The following TAP1 variants were observed in gnomAD, a reference collection of about 807,000 sequenced individuals.
TAP1 encodes the protein antigen peptide transporter 1.
In TAP1, 56 loss-of-function variants were observed where a neutral mutation model predicts 79.3. That is an observed-to-expected ratio of 0.71 (90% CI 0.57 to 0.88). The LOEUF (loss-of-function observed/expected upper bound fraction) is 0.88, where lower values mean the gene tolerates loss of function less well. Ranked by LOEUF, TAP1 falls within the 40% of genes least tolerant of loss-of-function variation. TAP1 has a pLI of 0.00. For missense variants in TAP1, 737 were observed against 936.3 expected, an observed-to-expected ratio of 0.79 and a Z score of 2.78; for synonymous variants, 355 against 401.4, an observed-to-expected ratio of 0.88 and a Z score of 1.38.
In TAP1 at chr6:32,853,314, G is replaced by A. The variant is rs1344976701; in HGVS notation, c.323C>T (p.Pro108Leu). The change falls in exon 1 of 11, where the codon CCG (proline) becomes CTG (leucine). Residue 108 changes from proline to leucine, a missense_variant. By Grantham distance (98) the Pro-to-Leu change is moderately conservative. This residue lies in a region of TAP1 where 406 missense variants were observed against 477.2 expected (regional missense o/e 0.85). Coordinates refer to ENST00000354258, the MANE Select transcript of TAP1 (RefSeq NM_000593.6). This position sits in a 1 kb window ranked among gnomAD's most constrained non-coding sequence, Gnocchi z 8.3. ...CAGCTCTCGGAACAAGGCAAGTCCC[G>A]GCAGGGCCAAGCCCAGTGCCGCAGC... is the stretch of plus-strand genomic sequence containing the variant. ...PLAAALGLAL[P>L]GLALFRELIS... The A allele has an allele frequency of 5.1e-6, 8 of 1,579,690 alleles. No individual in the cohort carries two copies. The highest frequency in any genetic ancestry group is 1.1e-5 in the South Asian group (1 of 87,766).
Position 32,853,276 on chromosome 6 carries a change from C to G in TAP1, c.361G>C (p.Ala121Pro), listed in dbSNP as rs1206640439. ...CTGGTGCTATCCGCGGACCCGGGGG[C>G]TCCCCATGAGATCAGCTCTCGGAAC... ...ALFRELISWG[A>P]PGSADSTRLL... The change falls in exon 1 of 11, where the codon GCC (alanine) becomes CCC (proline). Residue 121 changes from alanine to proline, a missense_variant. By Grantham distance (27) the Ala-to-Pro change is conservative. Coordinates refer to ENST00000354258, the MANE Select transcript of TAP1 (RefSeq NM_000593.6). The surrounding 1 kb of genome is among the most constrained non-coding windows in gnomAD (Gnocchi z 8.3). 6.3e-7 allele frequency: 1 copy of G among 1,587,086 alleles called. No individual in the cohort carries two copies. The highest frequency in any genetic ancestry group is 8.6e-7 in the Non-Finnish European group (1 of 1,166,164).
At chr6:32,846,908 T>C (rs1770454802) in intron 10 of TAP1, among the ~76,000 whole-genome samples, 160 bp downstream of exon 10, 1 of 152,228 alleles carries the variant, frequency 6.6e-6, no homozygotes, top group Non-Finnish European at 1.5e-5. Flanking sequence ...CCTCGTCTTC[T>C]ATCTCTACTC....
rs1277589390 is a variant in TAP1, at chr6:32,853,326, C to G, written c.311G>C (p.Gly104Ala). Residue 104 changes from glycine (G) to alanine (A), a missense_variant, in exon 1 of 11, where the codon GGC becomes GCC. Gly to Ala is a moderately conservative substitution (Grantham distance 60, BLOSUM62 0). This residue lies in a region of TAP1 where 406 missense variants were observed against 477.2 expected (regional missense o/e 0.85). Transcript: ENST00000354258. This position sits in a 1 kb window ranked among gnomAD's most constrained non-coding sequence, Gnocchi z 8.3. Reference sequence around the variant, plus strand: ...CAAGGCAAGTCCCGGCAGGGCCAAGCCCAGTGCCGCAGCTAATGGCTTCAA... The same window carrying G: ...CAAGGCAAGTCCCGGCAGGGCCAAGGCCAGTGCCGCAGCTAATGGCTTCAA... ...AALKPLAAAL[G>A]LALPGLALFR... The G allele has an allele frequency of 5.1e-6, 8 of 1,580,360 alleles. No individual in the cohort carries two copies. Among genetic ancestry groups the G allele is most frequent in the Admixed American group, 1.8e-5 (1 of 54,392 alleles).
intron 5 of TAP1, 150 bp from the exon 6 acceptor site, chr6:32,849,268 G>T: frequency 1.1e-6 from 1 of 899,596 alleles, no homozygotes; most frequent in Non-Finnish European, 1.8e-6. Flanking sequence ...ATGAACCAGA[G>T]ACCCCATGGA....
chr6:32,847,254 G>A lies in TAP1; in HGVS notation c.1904-50C>T, dbSNP rs56098440. ...GAACGGTATAGCCACATGTGTGCAC[G>A]CATGTACATGCACACAGACACACTC... On this transcript the variant is annotated intron_variant, in intron 9 of 10. Transcript: ENST00000354258. The surrounding 1 kb of genome is among the most constrained non-coding windows in gnomAD (Gnocchi z 4.7). The A allele has an allele frequency of 3.9e-4, 616 of 1,593,902 alleles. No individual in the cohort carries two copies. Among genetic ancestry groups the A allele is most frequent in the Non-Finnish European group, 3.9e-4 (460 of 1,175,474 alleles).
Position 32,850,547 on chromosome 6 carries a change from C to G in TAP1, c.1051-30G>C. Reference sequence around the variant, plus strand: ...GGATACATGGACAAGAGATGTCACACGGGTTGGCAAACCATCAGGGACACT... The same window carrying G: ...GGATACATGGACAAGAGATGTCACAGGGGTTGGCAAACCATCAGGGACACT... On this transcript the variant is annotated intron_variant, in intron 4 of 10. Transcript: ENST00000354258. This position sits in a 1 kb window ranked among gnomAD's most constrained non-coding sequence, Gnocchi z 5.5. The G allele has an allele frequency of 6.2e-7, 1 of 1,601,508 alleles. No individual in the cohort carries two copies. The highest frequency in any genetic ancestry group is 1.1e-5 in the South Asian group (1 of 90,908).
rs35429362 is a variant in TAP1 at position 32,851,924 on chromosome 6, TGA to T, written c.844+183_844+184del. Among the ~76,000 whole-genome samples, 228 of 147,306 alleles carry T rather than the reference TGA, an allele frequency of 1.5e-3. 2 individuals carry two copies. The highest frequency in any genetic ancestry group is 4.8e-3 in the African/African-American group (193 of 39,860). On this transcript the variant is annotated intron_variant, in intron 3 of 10. Transcript: ENST00000354258. The surrounding 1 kb of genome is among the most constrained non-coding windows in gnomAD (Gnocchi z 4.8). ...AAAAACAATTGTGTGTGTGTGTGTG[TGA>T]GAGAGAGAGAGAGAGAGACAGAGAC...
intron 5 of TAP1, 62 bp from the exon 6 acceptor site, chr6:32,849,180 C>T (rs534379754): frequency 3.2e-5 from 50 of 1,548,568 alleles, no homozygotes; most frequent in Middle Eastern, 3.3e-4. Flanking sequence ...CACAAAGAAC[C>T]GCAGTCATTA....
chr6:32,851,924 T>TGTGTGTGAGAGAGAGAGA lies in TAP1; in HGVS notation c.844+184_844+185insTCTCTCTCTCTCACACAC, dbSNP rs1554246364. 6.8e-5 allele frequency among the ~76,000 whole-genome samples: 10 copies of TGTGTGTGAGAGAGAGAGA among 147,436 alleles called. No homozygotes were observed. In the East Asian group the frequency reaches 8.0e-4, roughly 12 times the overall value. ...AAAAACAATTGTGTGTGTGTGTGTG[T>TGTGTGTGAGAGAGAGAGA]GAGAGAGAGAGAGAGAGAGACAGAG... On this transcript the variant is annotated intron_variant, in intron 3 of 10. Transcript: ENST00000354258. This position sits in a 1 kb window ranked among gnomAD's most constrained non-coding sequence, Gnocchi z 4.8.
Position 32,852,297 on chromosome 6 carries a change from T to C in TAP1, c.714-58A>G. ...GTGTGTTCAGGGAACAGACTGAAGG[T>C]CCCAGGTATCCCCATATAAGTGCAT... On this transcript the variant is annotated intron_variant, in intron 2 of 10. Coordinates refer to ENST00000354258, the MANE Select transcript of TAP1 (RefSeq NM_000593.6). The surrounding 1 kb of genome is among the most constrained non-coding windows in gnomAD (Gnocchi z 4.8). 1.2e-6 allele frequency: 2 copies of C among 1,612,766 alleles called. No homozygotes were observed. Among genetic ancestry groups the C allele is most frequent in the South Asian group, 2.2e-5 (2 of 91,074 alleles).
chr6:32,845,607 AC>A lies in TAP1; in HGVS notation c.2218del (p.Val740CysfsTer59). On this transcript the variant is annotated frameshift_variant, in exon 11 of 11. Transcript: ENST00000354258. LOFTEE classifies it high-confidence loss of function. The surrounding 1 kb of genome is among the most constrained non-coding windows in gnomAD (Gnocchi z 4.5). ...MEKKGCYWAMVQAPADAPE is the reference protein window; with the variant it reads ...MEKKGCYWAMXQAPADAPE Reference sequence around the variant, plus strand: ...TTCTGGAGCATCTGCAGGAGCCTGCACCATGGCCCAGTAGCACCCCTTTTTC... The same window carrying A: ...TTCTGGAGCATCTGCAGGAGCCTGCACATGGCCCAGTAGCACCCCTTTTTC... 1 of 1,613,078 alleles carries A rather than the reference AC, an allele frequency of 6.2e-7. No homozygotes were observed. The highest frequency in any genetic ancestry group is 1.1e-5 in the South Asian group (1 of 91,080).
Position 32,852,447 on chromosome 6 carries a change from A to T in TAP1, c.654T>A (p.Asp218Glu). 6.2e-7 allele frequency: 1 copy of T among 1,613,058 alleles called. No homozygotes were observed. The highest frequency in any genetic ancestry group is 8.5e-7 in the Non-Finnish European group (1 of 1,180,028). ...TGRLTDWILQ[D>E]GSADTFTRNL... is the part of the protein sequence containing the mutation. ...TTCGAGTGAAGGTATCGGCTGAGCC[A>T]TCTTGTAGAATCCAGTCAGTGAGGC... The change falls in exon 2 of 11, where the codon GAT becomes GAA. Residue 218 changes from aspartate (D) to glutamate (E), a missense_variant. By Grantham distance (45) the Asp-to-Glu change is conservative (BLOSUM62 2). Around this residue, in one of 5 missense-constraint regions of TAP1, gnomAD observed 406 missense variants for 477.2 expected, o/e 0.85. Coordinates refer to ENST00000354258, the MANE Select transcript of TAP1 (RefSeq NM_000593.6). The surrounding 1 kb of genome is among the most constrained non-coding windows in gnomAD (Gnocchi z 4.8).
Position 32,852,012 on chromosome 6 carries a change from T to G in TAP1, c.844+97A>C. Reference sequence around the variant, plus strand: ...TGAGAAGGAACAATGTGTGTATGTGTGTGTGAGAGAGAGAGAGCGGGGAGG... The same window carrying G: ...TGAGAAGGAACAATGTGTGTATGTGGGTGTGAGAGAGAGAGAGCGGGGAGG... On this transcript the variant is annotated intron_variant, in intron 3 of 10. Transcript: ENST00000354258. The surrounding 1 kb of genome is among the most constrained non-coding windows in gnomAD (Gnocchi z 4.8). 6.7e-7 allele frequency: 1 copy of G among 1,499,426 alleles called. No homozygotes were observed. The highest frequency in any genetic ancestry group is 9.2e-7 in the Non-Finnish European group (1 of 1,083,212). 92.9% of individuals were successfully genotyped at this position (1,499,426 alleles called of 1,614,324 possible).
chr6:32,852,406 G>A lies in TAP1; in HGVS notation c.695C>T (p.Ser232Phe), dbSNP rs1466535665. The A allele has an allele frequency of 1.2e-6, 2 of 1,612,954 alleles. No homozygotes were observed. Among genetic ancestry groups the A allele is most frequent in the African/African-American group, 2.7e-5 (2 of 74,916 alleles). The change falls in exon 2 of 11, where the codon TCC becomes TTC. Residue 232 changes from serine (S) to phenylalanine (F), a missense_variant. Coordinates refer to ENST00000354258, the MANE Select transcript of TAP1 (RefSeq NM_000593.6). This position sits in a 1 kb window ranked among gnomAD's most constrained non-coding sequence, Gnocchi z 4.8. ...DTFTRNLTLMSILTIASAVLE... is the reference protein window; with the variant it reads ...DTFTRNLTLMFILTIASAVLE... ...CCCAGACCTGGCTATGGTGAGAATGGACATGAGAGTTAAGTTTCGAGTGAA... is the reference window on the plus strand; with the variant it reads ...CCCAGACCTGGCTATGGTGAGAATGAACATGAGAGTTAAGTTTCGAGTGAA...
chr6:32,845,817 G>C lies in TAP1; in HGVS notation c.2041-32C>G, dbSNP rs1328913438. The C allele has an allele frequency of 3.1e-6, 5 of 1,589,770 alleles. No individual in the cohort carries two copies. The African/African-American group carries it at 6.7e-5, about 21-fold the overall frequency. On this transcript the variant is annotated intron_variant, in intron 10 of 10. Transcript: ENST00000354258. This position sits in a 1 kb window ranked among gnomAD's most constrained non-coding sequence, Gnocchi z 4.5. ...AAAGACATCGGACCGTCAGAGCCGG[G>C]GACTACCCTCAGCCCAGGGAGACAC... is the stretch of plus-strand genomic sequence containing the variant.
chr6:32,850,822 T>C lies in TAP1; in HGVS notation c.1050+122A>G. 2 of 971,960 alleles carry C rather than the reference T, an allele frequency of 2.1e-6. No individual in the cohort carries two copies. Among genetic ancestry groups the C allele is most frequent in the Non-Finnish European group, 3.3e-6 (2 of 603,920 alleles). The allele number at this position is 971,960 out of a possible 1,614,324, so 60.2% of individuals were successfully genotyped here. A position where few individuals can be genotyped will look rare whatever the true frequency, so the allele number is the denominator to read the frequency against. On this transcript the variant is annotated intron_variant, in intron 4 of 10. Transcript: ENST00000354258. The surrounding 1 kb of genome is among the most constrained non-coding windows in gnomAD (Gnocchi z 5.5). ...TGGACCACAGGGACAGGGTGTTCCA[T>C]GAAGATGGAGAATCAGTAAGGGTGC... is the stretch of plus-strand genomic sequence containing the variant.
Position 32,847,954 on chromosome 6 carries a change from G to C in TAP1, c.1705C>G (p.Leu569Val). Residue 569 changes from leucine to valine, a missense_variant, in exon 8 of 11, where the codon CTT becomes GTT. By Grantham distance (32) the Leu-to-Val change is conservative (BLOSUM62 1). Around this residue, in one of 5 missense-constraint regions of TAP1, gnomAD observed 266 missense variants for 332.4 expected, o/e 0.80. Transcript: ENST00000354258. The surrounding 1 kb of genome is among the most constrained non-coding windows in gnomAD (Gnocchi z 4.7). ...AGGTAGCGGTGCTCATATTGGGGAA[G>C]GGGCTTCCCATCCAACAGCAGCTGT... Reference protein sequence around the residue: ...GGQLLLDGKPLPQYEHRYLHR... With the variant: ...GGQLLLDGKPVPQYEHRYLHR... 6.2e-7 allele frequency: 1 copy of C among 1,613,110 alleles called. No individual in the cohort carries two copies. Among genetic ancestry groups the C allele is most frequent in the Non-Finnish European group, 8.5e-7 (1 of 1,180,038 alleles).
Position 32,852,805 on chromosome 6 carries a change from C to T in TAP1, c.598+234G>A. On this transcript the variant is annotated intron_variant, in intron 1 of 10. Coordinates refer to ENST00000354258, the MANE Select transcript of TAP1 (RefSeq NM_000593.6). This position sits in a 1 kb window ranked among gnomAD's most constrained non-coding sequence, Gnocchi z 4.8. ...CCCAGAGCAAAGGATTTCCCCGCTT[C>T]CGGCGTGGCCCAAAGAATCAAGACC... 1.4e-6 allele frequency: 2 copies of T among 1,440,096 alleles called. No homozygotes were observed. Among genetic ancestry groups the T allele is most frequent in the Non-Finnish European group, 1.8e-6 (2 of 1,105,118 alleles). The allele number at this position is 1,440,096 out of a possible 1,614,324, so 89.2% of individuals were successfully genotyped here.
In TAP1 at chr6:32,850,860, A is replaced by T; in HGVS notation, c.1050+84T>A. Reference sequence around the variant, plus strand: ...TCAGTAAGGGTGCCAGGAAAGCTGGACTGAAAGCAATGTGAGAGGAACTGA... The same window carrying T: ...TCAGTAAGGGTGCCAGGAAAGCTGGTCTGAAAGCAATGTGAGAGGAACTGA... On this transcript the variant is annotated intron_variant, in intron 4 of 10. Coordinates refer to ENST00000354258, the MANE Select transcript of TAP1 (RefSeq NM_000593.6). This position sits in a 1 kb window ranked among gnomAD's most constrained non-coding sequence, Gnocchi z 5.5. The T allele has an allele frequency of 7.9e-7, 1 of 1,260,202 alleles. No homozygotes were observed. Among genetic ancestry groups the T allele is most frequent in the Non-Finnish European group, 1.2e-6 (1 of 860,368 alleles). The allele number at this position is 1,260,202 out of a possible 1,614,324, so 78.1% of individuals were successfully genotyped here.
Sources: gnomAD v4.1 joint callset for allele counts (sites outside exome capture counted in the v4.1 genomes callset) on GRCh38, gnomAD v4.1.1 for gene constraint, gnomAD v4.1.1 regional missense constraint, Gnocchi (gnomAD v3.1) non-coding constraint, MANE v1.5 for transcripts, NCBI Gene and HGNC (gene_info 2026-07-23, HGNC 2026-07-21) for gene names.